The following PREP variants were observed in gnomAD, a reference collection of about 807,000 sequenced individuals.
PREP encodes the protein prolyl endopeptidase, also known as dJ355L5.1 (prolyl endopeptidase).
In PREP, 29 loss-of-function variants were observed where a neutral mutation model predicts 87.6. The observed-to-expected ratio is 0.33, with a 90% CI of 0.25 to 0.45. PREP has a LOEUF of 0.45. Ranked by LOEUF, PREP falls within the 20% of genes least tolerant of loss-of-function variation. The pLI is 1.00. For synonymous variants in PREP, 337 were observed against 328.6 expected (o/e 1.03, Z -0.28); for missense variants, 695 against 886.5 (o/e 0.78, Z 2.74).
chr6:105,302,845 C>T (rs1029616732), intron 10 of PREP: 4 of 349,676 alleles, frequency 1.1e-5, no homozygotes, highest in South Asian at 4.6e-5. Context: ...CCGCCCCCGC[C>T]GCCTGCTCCG....
rs1769893937 is a variant in PREP at position 105,274,404 on chromosome 6, A to T, written c.*3740T>A. Among the ~76,000 whole-genome samples the T allele has an allele frequency of 6.6e-6, 1 of 152,132 alleles. No individual in the cohort carries two copies. Among genetic ancestry groups the T allele is most frequent in the African/African-American group, 2.4e-5 (1 of 41,410 alleles). ...GAAGGCCCTGCCTCCTAATTCCATC[A>T]CTTTGGGATTTACGATTTCAACATA... On this transcript the variant is annotated 3_prime_UTR_variant, in exon 15 of 15. Transcript: ENST00000652536.
Position 105,378,575 on chromosome 6 carries a change from G to A in PREP, c.121-1056C>T, listed in dbSNP as rs570330034. ...TCAGGAAATACTGGTAGTGAAGGCA[G>A]GAAAAGGGGCTTTTACAAAAGATGA... On this transcript the variant is annotated intron_variant, in intron 2 of 14. Transcript: ENST00000652536. Among the ~76,000 whole-genome samples, 61 of 152,292 alleles carry A rather than the reference G, an allele frequency of 4.0e-4. 1 individual carries two copies. Among genetic ancestry groups the A allele is most frequent in the African/African-American group, 1.4e-3 (57 of 41,562 alleles).
intron 7 of PREP, among the ~76,000 whole-genome samples, chr6:105,339,758 C>A (rs537525824): frequency 3.9e-5 from 6 of 152,034 alleles, no homozygotes; most frequent in East Asian, 1.9e-4. Flanking sequence ...CTTCAGTAGC[C>A]GATTCGATCA....
intron 10 of PREP, among the ~76,000 whole-genome samples, chr6:105,318,168 ATTT>A (rs778095865): frequency 6.6e-6 from 1 of 152,072 alleles, no homozygotes; most frequent in Admixed American, 6.6e-5. Flanking sequence ...AAAGGCCCTA[ATTT>A]TTAGCTAGTC....
intron 14 of PREP, 72 bp downstream of exon 14, chr6:105,281,674 C>T (rs1770083229): frequency 3.9e-6 from 6 of 1,532,246 alleles, no homozygotes; most frequent in Admixed American, 1.9e-5. Flanking sequence ...AGCTCAAGCA[C>T]TAATCCTGCT....
At chr6:105,282,077 CTG>C (rs1250555863) in intron 13 of PREP, among the ~76,000 whole-genome samples, 175 bp from the exon 14 acceptor site, 1 of 152,134 alleles carries the variant, frequency 6.6e-6, no homozygotes, top group East Asian at 1.9e-4. Flanking sequence ...CCCACCCACT[CTG>C]AGATCTGTCA....
intron 10 of PREP, among the ~76,000 whole-genome samples, chr6:105,315,319 A>G (rs1770837950): frequency 6.6e-6 from 1 of 152,128 alleles, no homozygotes; most frequent in Admixed American, 6.6e-5. Flanking sequence ...ACATGCCACC[A>G]TGCTTGGCTA....
intron 4 of PREP, among the ~76,000 whole-genome samples, chr6:105,375,162 G>A (rs1449705919): frequency 6.6e-6 from 1 of 152,068 alleles, no homozygotes; most frequent in East Asian, 1.9e-4. Context: ...CAGAGGGAGG[G>A]GAAGGTGGAC....
intron 9 of PREP, among the ~76,000 whole-genome samples, chr6:105,325,206 A>G (rs1407023972): frequency 2.6e-5 from 4 of 152,146 alleles, no homozygotes; most frequent in Non-Finnish European, 5.9e-5. Context: ...CTTGAAAAAA[A>G]GTATAAATAA....
At chr6:105,367,722 C>G (rs1772427358) in intron 6 of PREP, among the ~76,000 whole-genome samples, 1 of 151,696 alleles carries the variant, frequency 6.6e-6, no homozygotes, top group South Asian at 2.1e-4. Context: ...AACAAAATGT[C>G]CTATAAATTT....
chr6:105,284,755 G>A (rs1770155413), intron 12 of PREP, among the ~76,000 whole-genome samples: 1 of 152,174 alleles, frequency 6.6e-6, no homozygotes, highest in Non-Finnish European at 1.5e-5. Flanking sequence ...CTGGGTGAGG[G>A]GTGCTCCACA....
At chr6:105,297,692 GAA>G (rs1346870751) in intron 10 of PREP, among the ~76,000 whole-genome samples, 2 of 152,198 alleles carry the variant, frequency 1.3e-5, no homozygotes, top group East Asian at 3.9e-4. Context: ...TGAGTAATAG[GAA>G]AAGTCTGTCT....
Position 105,278,097 on chromosome 6 carries a change from A to G in PREP, c.*47T>C. ...TGGTTTCTTGGTGTCAACGTGGGAAAGCCCTTGAGGTTTTCTGTCGCTGTC... is the reference window on the plus strand; with the variant it reads ...TGGTTTCTTGGTGTCAACGTGGGAAGGCCCTTGAGGTTTTCTGTCGCTGTC... On this transcript the variant is annotated 3_prime_UTR_variant, in exon 15 of 15. Transcript: ENST00000652536. This position sits in a 1 kb window ranked among gnomAD's most constrained non-coding sequence, Gnocchi z 4.2. 1.9e-6 allele frequency: 3 copies of G among 1,567,640 alleles called. No individual in the cohort carries two copies. Among genetic ancestry groups the G allele is most frequent in the Non-Finnish European group, 2.6e-6 (3 of 1,152,834 alleles).
chr6:105,382,271 A>G (rs1052750806), intron 2 of PREP, among the ~76,000 whole-genome samples: 1 of 22,720 alleles, frequency 4.4e-5, no homozygotes, highest in Non-Finnish European at 7.2e-5. Flanking sequence ...AGCGTTCTCA[A>G]CACACACACA....
At chr6:105,355,502 T>C (rs988793994) in intron 6 of PREP, among the ~76,000 whole-genome samples, 2 of 152,224 alleles carry the variant, frequency 1.3e-5, no homozygotes, top group Non-Finnish European at 2.9e-5. Context: ...ATGCAATATG[T>C]GTTTTCTCCT....
intron 12 of PREP, among the ~76,000 whole-genome samples, chr6:105,283,613 G>T (rs912438740): frequency 6.6e-6 from 1 of 152,188 alleles, no homozygotes; most frequent in Non-Finnish European, 1.5e-5. Context: ...TTGGGTATAT[G>T]ACTACATTTT....
At chr6:105,361,291 T>TTA (rs1260121202) in intron 6 of PREP, among the ~76,000 whole-genome samples, 3 of 152,052 alleles carry the variant, frequency 2.0e-5, no homozygotes, top group Admixed American at 1.3e-4. Flanking sequence ...AACCTAATAT[T>TTA]TATATATATA....
chr6:105,387,497 C>T (rs565337097), intron 2 of PREP, among the ~76,000 whole-genome samples: 1 of 152,068 alleles, frequency 6.6e-6, no homozygotes, highest in Non-Finnish European at 1.5e-5. Flanking sequence ...CTGGAGTCTT[C>T]GCCTCTACAA....
intron 1 of PREP, among the ~76,000 whole-genome samples, chr6:105,398,979 G>A (rs1182783984): frequency 6.6e-6 from 1 of 151,952 alleles, no homozygotes; most frequent in Non-Finnish European, 1.5e-5. Context: ...ATGGTGGCAG[G>A]TGCTGTAATC....
Sources: allele counts gnomAD v4.1 joint callset (sites outside exome capture counted in the v4.1 genomes callset), GRCh38; gene constraint gnomAD v4.1.1; non-coding constraint Gnocchi (gnomAD v3.1); transcripts MANE v1.5; gene names NCBI Gene and HGNC (gene_info 2026-07-23, HGNC 2026-07-21).